The following RUNX2 variants were observed in gnomAD, a reference collection of about 807,000 sequenced individuals.
RUNX2 encodes RUNX family transcription factor 2.
Under a neutral mutation model 51.7 loss-of-function variants are expected in RUNX2, and 10 were observed. That is an observed-to-expected ratio of 0.19 (90% confidence interval 0.12 to 0.33). The LOEUF is 0.33. Ranked by LOEUF, RUNX2 falls within the 10% of genes least tolerant of loss-of-function variation. RUNX2 has a pLI of 1.00. For missense variants in RUNX2, 562 were observed against 691.3 expected (o/e 0.81, Z 2.10); for synonymous variants, 276 against 273.6 (o/e 1.01, Z -0.09).
chr6:45,521,767 G>GGTCA (rs1042484637), intron 7 of RUNX2, among the ~76,000 whole-genome samples: 1 of 152,008 alleles, frequency 6.6e-6, no homozygotes, highest in Non-Finnish European at 1.5e-5. Flanking sequence ...CTACTGGTCT[G>GGTCA]GTCAGTGGTC....
In RUNX2 at chr6:45,547,185, A is replaced by G. The variant is rs769686958; in HGVS notation, c.1446A>G (p.Leu482=). ...CCACCACCTCGAATGGCAGCACGCT[A>G]TTAAATCCAAATTTGCCTAACCAGA... The part of the protein sequence containing the change: ...PCTTTSNGST[L]LNPNLPNQND... The change falls in exon 9 of 9, where the codon CTA becomes CTG. Residue 482 remains leucine, a synonymous_variant. Transcript: ENST00000647337. 9 of 1,614,082 alleles carry G rather than the reference A, an allele frequency of 5.6e-6. No homozygotes were observed. The highest frequency in any genetic ancestry group is 6.8e-6 in the Non-Finnish European group (8 of 1,180,046).
chr6:45,359,070 A>AC (rs1209808327), intron 2 of RUNX2, among the ~76,000 whole-genome samples: 2 of 152,166 alleles, frequency 1.3e-5, no homozygotes, highest in Non-Finnish European at 2.9e-5. Context: ...TAAGCAAGAC[A>AC]CTTTTTTCCC....
chr6:45,485,960 T>TTATC (rs1436026035), intron 5 of RUNX2, among the ~76,000 whole-genome samples: 4 of 151,926 alleles, frequency 2.6e-5, no homozygotes, highest in Non-Finnish European at 2.9e-5. Flanking sequence ...ATTTCAAACA[T>TTATC]AAAAATAAAG....
chr6:45,328,853 T>C (rs1786892070), intron 2 of RUNX2, 69 bp downstream of exon 2: 1 of 1,489,070 alleles, frequency 6.7e-7, no homozygotes, highest in Middle Eastern at 1.7e-4. Context: ...GATTCTTTGA[T>C]AAACTGCTAG....
At chr6:45,441,769 G>A (rs1469830730) in intron 5 of RUNX2, among the ~76,000 whole-genome samples, 1 of 152,196 alleles carries the variant, frequency 6.6e-6, no homozygotes, top group Non-Finnish European at 1.5e-5. Flanking sequence ...CTCAGGGAAA[G>A]CTGTGCAGAA....
chr6:45,491,439 G>A (rs541433705), intron 5 of RUNX2, among the ~76,000 whole-genome samples: 8 of 152,192 alleles, frequency 5.3e-5, no homozygotes, highest in African/African-American at 1.9e-4. Flanking sequence ...AAGAGTAGTT[G>A]TAACGTTAAA....
intron 2 of RUNX2, among the ~76,000 whole-genome samples, chr6:45,418,796 G>T (rs917221909): frequency 6.6e-6 from 1 of 152,146 alleles, no homozygotes; most frequent in Non-Finnish European, 1.5e-5. Context: ...CGTTGTTAGG[G>T]TATTCAGTGG....
intron 2 of RUNX2, among the ~76,000 whole-genome samples, chr6:45,380,892 A>C (rs906463560): frequency 6.6e-6 from 1 of 152,118 alleles, no homozygotes. Context: ...GTTTCTTCTC[A>C]TGTGGATGCT....
At chr6:45,392,457 C>T (rs9395099) in intron 2 of RUNX2, among the ~76,000 whole-genome samples, 48,162 of 152,084 alleles carry the variant, frequency 0.32, 9,342 homozygotes, top group East Asian at 0.47. Context: ...GCTGTGATCA[C>T]ACCACTATAC....
At chr6:45,443,035 GCTT>G (rs1331359730) in intron 5 of RUNX2, among the ~76,000 whole-genome samples, 2 of 101,628 alleles carry the variant, frequency 2.0e-5, no homozygotes, top group African/African-American at 7.8e-5. Flanking sequence ...CTCAGGCCTT[GCTT>G]TTTTTTTTTT....
intron 5 of RUNX2, among the ~76,000 whole-genome samples, chr6:45,479,366 G>T (rs1023504653): frequency 6.6e-6 from 1 of 152,142 alleles, no homozygotes; most frequent in African/African-American, 2.4e-5. Flanking sequence ...GCAAAGAAAG[G>T]TACGTTTCTA....
rs146374238 is a variant in RUNX2, at chr6:45,438,971, G to A, written c.685+920G>A. 2.6e-4 allele frequency among the ~76,000 whole-genome samples: 39 copies of A among 152,244 alleles called. No homozygotes were observed. The East Asian group carries it at 6.6e-3, about 26-fold the overall frequency. On this transcript the variant is annotated intron_variant, in intron 5 of 8. Coordinates refer to ENST00000647337, the MANE Select transcript of RUNX2 (RefSeq NM_001024630.4). ...GAGGTCAGTTTGGTTTGTGGTGGAGGCATAGCTGGCAGAAGTACTTGTTCT... is the reference window on the plus strand; with the variant it reads ...GAGGTCAGTTTGGTTTGTGGTGGAGACATAGCTGGCAGAAGTACTTGTTCT...
At chr6:45,521,741 A>G (rs1801513755) in intron 7 of RUNX2, among the ~76,000 whole-genome samples, 1 of 151,898 alleles carries the variant, frequency 6.6e-6, no homozygotes, top group Non-Finnish European at 1.5e-5. Context: ...TCTGTATAGT[A>G]TGGTTGCAGG....
intron 3 of RUNX2, among the ~76,000 whole-genome samples, chr6:45,427,961 C>T (rs1244873573): frequency 2.0e-5 from 3 of 152,236 alleles, no homozygotes; most frequent in East Asian, 1.9e-4. Flanking sequence ...AATAAAGGAA[C>T]GTCTTTCTCT....
intron 7 of RUNX2, among the ~76,000 whole-genome samples, chr6:45,538,502 G>T (rs1189708796): frequency 6.6e-6 from 1 of 152,066 alleles, no homozygotes; most frequent in Non-Finnish European, 1.5e-5. Flanking sequence ...ATTTTTAGGA[G>T]GGAAAGGCTA....
At chr6:45,453,985 T>A (rs1263058253) in intron 5 of RUNX2, among the ~76,000 whole-genome samples, 1 of 152,214 alleles carries the variant, frequency 6.6e-6, no homozygotes, top group Non-Finnish European at 1.5e-5. Context: ...GGTTCTATAT[T>A]TTGTGAGACC....
In RUNX2 at chr6:45,535,278, C is replaced by T. The variant is rs138053660; in HGVS notation, c.1022-9939C>T. Among the ~76,000 whole-genome samples the T allele has an allele frequency of 9.2e-5, 14 of 152,074 alleles. No homozygotes were observed. In the East Asian group the frequency reaches 2.1e-3, roughly 23 times the overall value. Reference sequence around the variant, plus strand: ...AAAAAAAAGGCTATAGAGGTGATTGCGCGATTGTTGCTTCCCCAGCACACT... The same window carrying T: ...AAAAAAAAGGCTATAGAGGTGATTGTGCGATTGTTGCTTCCCCAGCACACT... On this transcript the variant is annotated intron_variant, in intron 7 of 8. Transcript: ENST00000647337.
intron 5 of RUNX2, among the ~76,000 whole-genome samples, chr6:45,479,178 A>G (rs777507601): frequency 3.3e-5 from 5 of 152,350 alleles, no homozygotes; most frequent in South Asian, 4.1e-4. Context: ...TGAAAGGTCC[A>G]TGAAAGAGAT....
intron 2 of RUNX2, among the ~76,000 whole-genome samples, chr6:45,394,809 G>T (rs557908839): frequency 1.3e-5 from 2 of 152,196 alleles, no homozygotes; most frequent in Non-Finnish European, 2.9e-5. Flanking sequence ...TTAAGGGCAG[G>T]CGTTGGTTAA....
Sources: gnomAD v4.1 joint callset for allele counts (sites outside exome capture counted in the v4.1 genomes callset) on GRCh38, gnomAD v4.1.1 for gene constraint, MANE v1.5 for transcripts, NCBI Gene and HGNC (gene_info 2026-07-23, HGNC 2026-07-21) for gene names.